The following NRG1 variants were observed in gnomAD, a reference collection of about 807,000 sequenced individuals.
NRG1 encodes the protein neuregulin 1, also known as pro-neuregulin-1, membrane-bound isoform.
In NRG1, 18 loss-of-function variants were observed where a neutral mutation model predicts 63.8. The observed-to-expected ratio is 0.28, with a 90% CI of 0.19 to 0.42. NRG1 has a LOEUF of 0.42. NRG1 is among the 10% of genes least tolerant of loss of function. The probability of loss-of-function intolerance (pLI) is 1.00; values close to 1 mark genes in which losing one functional copy is unlikely to be tolerated. For synonymous variants in NRG1, 302 were observed against 301.3 expected, an observed-to-expected ratio of 1.00 and a Z score of -0.02; for missense variants, 762 against 814.7, an observed-to-expected ratio of 0.94 and a Z score of 0.79.
intron 2 of NRG1, among the ~76,000 whole-genome samples, chr8:32,598,326 A>T (rs1843712042): frequency 1.3e-5 from 2 of 151,986 alleles, no homozygotes; most frequent in Admixed American, 1.3e-4. Context: ...CTACCTGGAG[A>T]GAAGCAAATG....
intron 1 of NRG1, among the ~76,000 whole-genome samples, chr8:32,557,724 C>A (rs1835457480): frequency 6.6e-6 from 1 of 151,316 alleles, no homozygotes; most frequent in Non-Finnish European, 1.5e-5. Flanking sequence ...CATGCATTAT[C>A]CATTTTGGGA....
intron 1 of NRG1, among the ~76,000 whole-genome samples, chr8:31,969,062 A>G (rs1460484545): frequency 6.6e-6 from 1 of 152,178 alleles, no homozygotes; most frequent in Non-Finnish European, 1.5e-5. Context: ...CAGTGAGTTG[A>G]TTGCAGCCCT....
chr8:32,352,275 A>G (rs1439652439), intron 1 of NRG1, among the ~76,000 whole-genome samples: 1 of 151,552 alleles, frequency 6.6e-6, no homozygotes, highest in Non-Finnish European at 1.5e-5. Context: ...GACAGAAGGG[A>G]CATTAACTGA....
At chr8:32,455,837 G>C (rs1388942915) in intron 1 of NRG1, among the ~76,000 whole-genome samples, 1 of 152,168 alleles carries the variant, frequency 6.6e-6, no homozygotes, top group African/African-American at 2.4e-5. Context: ...ACCCAAGCTG[G>C]AGTGCAGTGG....
At chr8:31,989,740 C>CT (rs1810738067) in intron 1 of NRG1, among the ~76,000 whole-genome samples, 1 of 152,072 alleles carries the variant, frequency 6.6e-6, no homozygotes, top group African/African-American at 2.4e-5. Flanking sequence ...TTTGTGAACC[C>CT]TTTCTCTTTG....
chr8:32,626,648 C>G (rs1384058226), intron 5 of NRG1, among the ~76,000 whole-genome samples: 2 of 151,234 alleles, frequency 1.3e-5, no homozygotes, highest in East Asian at 3.9e-4. Context: ...CCACTGCCCT[C>G]CAGCCTGGGC....
intron 1 of NRG1, among the ~76,000 whole-genome samples, chr8:32,460,696 C>T (rs149864051): frequency 6.0e-4 from 92 of 152,308 alleles, no homozygotes; most frequent in African/African-American, 1.9e-3. Context: ...TTGTTTTTCA[C>T]TGGTTCTGCT....
intron 5 of NRG1, among the ~76,000 whole-genome samples, chr8:32,659,304 G>C (rs1413941283): frequency 6.6e-6 from 1 of 151,994 alleles, no homozygotes; most frequent in East Asian, 1.9e-4. Context: ...TATCATGCCT[G>C]GCTAAGTTTT....
Position 31,671,303 on chromosome 8 carries a change from G to A in NRG1, c.37+31872G>A, listed in dbSNP as rs186763872. ...ATTCTATTCTGCAGTGAGAGAAGACGACAGGCTACCAGGGAAAAATAGAAG... is the reference window on the plus strand; with the variant it reads ...ATTCTATTCTGCAGTGAGAGAAGACAACAGGCTACCAGGGAAAAATAGAAG... On this transcript the variant is annotated intron_variant, in intron 1 of 10. Coordinates refer to the NRG1 transcript ENST00000519301. Among the ~76,000 whole-genome samples the A allele has an allele frequency of 7.8e-4, 118 of 152,244 alleles. 2 individuals carry two copies. Among genetic ancestry groups the A allele is most frequent in the African/African-American group, 2.6e-3 (108 of 41,562 alleles).
chr8:31,785,552 A>T (rs1820089025), intron 1 of NRG1, among the ~76,000 whole-genome samples: 1 of 152,220 alleles, frequency 6.6e-6, no homozygotes, highest in South Asian at 2.1e-4. Flanking sequence ...AATGTAAAGC[A>T]TGATTTGAAA....
intron 1 of NRG1, among the ~76,000 whole-genome samples, chr8:32,373,692 C>CG (rs1366650347): frequency 6.6e-6 from 1 of 152,086 alleles, no homozygotes; most frequent in Non-Finnish European, 1.5e-5. Flanking sequence ...GCAGGAGAAT[C>CG]GCTTGATCCT....
upstream of NRG1, among the ~76,000 whole-genome samples, chr8:32,545,226 G>A (rs1832958580): frequency 6.6e-6 from 1 of 151,802 alleles, no homozygotes; most frequent in East Asian, 2.0e-4. Flanking sequence ...TCTAGCCAAG[G>A]AAAAATGTAG....
intron 1 of NRG1, among the ~76,000 whole-genome samples, chr8:32,523,824 C>G (rs1009508120): frequency 6.6e-6 from 1 of 152,096 alleles, no homozygotes; most frequent in East Asian, 1.9e-4. Context: ...GCCTGGGAGA[C>G]AGAGTGAGGC....
intron 1 of NRG1, among the ~76,000 whole-genome samples, chr8:32,528,571 T>G (rs921662816): frequency 2.0e-5 from 3 of 152,232 alleles, no homozygotes; most frequent in Non-Finnish European, 4.4e-5. Flanking sequence ...TGTGGTTCTT[T>G]TTCATCTTTA....
intron 1 of NRG1, among the ~76,000 whole-genome samples, chr8:32,486,230 C>A (rs1461486028): frequency 1.3e-5 from 2 of 152,138 alleles, no homozygotes; most frequent in African/African-American, 2.4e-5. Context: ...CCGCACCCAG[C>A]CTCAGAATTT....
intron 1 of NRG1, among the ~76,000 whole-genome samples, chr8:31,750,763 T>C (rs1816378547): frequency 6.6e-6 from 1 of 151,994 alleles, no homozygotes; most frequent in Non-Finnish European, 1.5e-5. Flanking sequence ...TGGGAGTCTT[T>C]TCTTGGTCAT....
intron 1 of NRG1, among the ~76,000 whole-genome samples, chr8:32,145,158 C>G (rs1836734617): frequency 6.6e-6 from 1 of 152,288 alleles, no homozygotes; most frequent in African/African-American, 2.4e-5. Flanking sequence ...TTTACCTTCT[C>G]CCCTGTGCTT....
At chr8:31,873,908 A>T (rs1829701448) in intron 1 of NRG1, among the ~76,000 whole-genome samples, 1 of 152,078 alleles carries the variant, frequency 6.6e-6, no homozygotes, top group South Asian at 2.1e-4. Context: ...TTTCAATAAA[A>T]GTCTTGCTCT....
At chr8:31,773,073 G>A (rs934336559) in intron 1 of NRG1, among the ~76,000 whole-genome samples, 10 of 152,184 alleles carry the variant, frequency 6.6e-5, no homozygotes, top group Admixed American at 5.9e-4. Flanking sequence ...AATGCAGAAA[G>A]GTTGGAAACC....
Sources: gnomAD v4.1 joint callset for allele counts (sites outside exome capture counted in the v4.1 genomes callset) on GRCh38, gnomAD v4.1.1 for gene constraint, MANE v1.5 for transcripts, NCBI Gene and HGNC (gene_info 2026-07-23, HGNC 2026-07-21) for gene names.